The following NBEAL1 variants were observed in gnomAD, a reference collection of about 807,000 sequenced individuals.
NBEAL1 encodes the protein neurobeachin like 1.
Under a neutral mutation model 351.3 loss-of-function variants are expected in NBEAL1, and 273 were observed. The observed-to-expected ratio is 0.78, with a 90% confidence interval of 0.70 to 0.86. The LOEUF (loss-of-function observed/expected upper bound fraction) is 0.86, where lower values mean the gene tolerates loss of function less well. Among genes scored for constraint, NBEAL1 ranks in the 40% least tolerant of loss-of-function variants. NBEAL1 has a pLI of 0.00. For synonymous variants in NBEAL1, 1,050 were observed against 1,086.4 expected (o/e 0.97, Z 0.66); for missense variants, 2,961 against 3,201.3 (o/e 0.92, Z 1.81).
Position 203,107,438 on chromosome 2 carries a change from A to T in NBEAL1, c.1288A>T (p.Ile430Phe). Reference sequence around the variant, plus strand: ...CCCCTAGGAAGTATTTAAAGAAAGAATTGGTTATACACATATGCTTGAAGT... The same window carrying T: ...CCCCTAGGAAGTATTTAAAGAAAGATTTGGTTATACACATATGCTTGAAGT... Reference protein sequence around the residue: ...PAAKEVFKERIGYTHMLEVLK... With the variant: ...PAAKEVFKERFGYTHMLEVLK... The change falls in exon 13 of 56, where the codon ATT becomes TTT. Residue 430 changes from isoleucine to phenylalanine, a missense_variant. By Grantham distance (21) the Ile-to-Phe change is conservative. Coordinates refer to ENST00000683969, the MANE Select transcript of NBEAL1 (RefSeq NM_001378026.1). The T allele has an allele frequency of 6.5e-7, 1 of 1,544,810 alleles. No individual in the cohort carries two copies. The highest frequency in any genetic ancestry group is 8.8e-7 in the Non-Finnish European group (1 of 1,141,730).
At chr2:203,205,769 G>A (rs541239993) in intron 51 of NBEAL1, among the ~76,000 whole-genome samples, 84 of 152,044 alleles carry the variant, frequency 5.5e-4, no homozygotes, top group African/African-American at 1.9e-3. Context: ...AATAAATTTA[G>A]GAAGGGCTCC....
At chr2:203,021,230 C>T (rs1219114484) in intron 2 of NBEAL1, among the ~76,000 whole-genome samples, 2 of 152,032 alleles carry the variant, frequency 1.3e-5, no homozygotes, top group African/African-American at 4.8e-5. Flanking sequence ...GATCCACCCT[C>T]TTCAGCCTCC....
At chr2:203,060,722 ATATAAT>A (rs1456837939) in intron 6 of NBEAL1, among the ~76,000 whole-genome samples, 5 of 152,230 alleles carry the variant, frequency 3.3e-5, no homozygotes, top group Non-Finnish European at 5.9e-5. Context: ...GATAAGCAAA[ATATAAT>A]TATAATAACA....
At chr2:203,184,740 A>G (rs776849067) in intron 44 of NBEAL1, among the ~76,000 whole-genome samples, 6 of 151,936 alleles carry the variant, frequency 3.9e-5, no homozygotes, top group Non-Finnish European at 7.4e-5. Flanking sequence ...TGCATGAATA[A>G]GGAATTTAGA....
At chr2:203,101,542 A>T (rs1185078998) in intron 12 of NBEAL1, among the ~76,000 whole-genome samples, 1 of 152,132 alleles carries the variant, frequency 6.6e-6, no homozygotes, top group East Asian at 1.9e-4. Context: ...GAAGAATGCC[A>T]CTGGTAGTTT....
Position 203,125,373 on chromosome 2 carries a change from G to A in NBEAL1, c.2704G>A (p.Gly902Arg). Reference sequence around the variant, plus strand: ...TTAGGATATCATAAACTGCATAGGTGGGTTAAATGTACTCTTTCCTTTATT... The same window carrying A: ...TTAGGATATCATAAACTGCATAGGTAGGTTAAATGTACTCTTTCCTTTATT... Reference protein sequence around the residue: ...DIKDIINCIGGLNVLFPLLEQ... With the variant: ...DIKDIINCIGRLNVLFPLLEQ... The change falls in exon 20 of 56, where the codon GGG becomes AGG. Residue 902 changes from glycine to arginine, a missense_variant. By Grantham distance (125) the Gly-to-Arg change is moderately radical (BLOSUM62 -2). Transcript: ENST00000683969. The A allele has an allele frequency of 1.3e-6, 2 of 1,535,362 alleles. No individual in the cohort carries two copies. Among genetic ancestry groups the A allele is most frequent in the Non-Finnish European group, 1.8e-6 (2 of 1,141,556 alleles).
intron 51 of NBEAL1, among the ~76,000 whole-genome samples, chr2:203,208,073 A>G (rs2065661191): frequency 1.3e-5 from 2 of 152,260 alleles, no homozygotes; most frequent in South Asian, 4.1e-4. Context: ...CCTGAGTCCC[A>G]GAGTTCAAGA....
rs918677666 is a variant in NBEAL1, at chr2:203,221,639, G to T, written c.*4285G>T. On this transcript the variant is annotated 3_prime_UTR_variant, in exon 56 of 56. Transcript: ENST00000683969. Reference sequence around the variant, plus strand: ...AGCTGAAACTGTTTCTCCCCAATAAGTGAGCAATCTTAAACATTTTCATCA... The same window carrying T: ...AGCTGAAACTGTTTCTCCCCAATAATTGAGCAATCTTAAACATTTTCATCA... Among the ~76,000 whole-genome samples, 18 of 152,204 alleles carry T rather than the reference G, an allele frequency of 1.2e-4. No individual in the cohort carries two copies. Among genetic ancestry groups the T allele is most frequent in the African/African-American group, 3.4e-4 (14 of 41,544 alleles).
At chr2:203,210,761 C>T (rs937538872) in intron 53 of NBEAL1, among the ~76,000 whole-genome samples, 197 bp from the exon 54 acceptor site, 1 of 152,136 alleles carries the variant, frequency 6.6e-6, no homozygotes, top group Non-Finnish European at 1.5e-5. Flanking sequence ...TGAGATTTCT[C>T]GTTTAATATT....
intron 31 of NBEAL1, among the ~76,000 whole-genome samples, chr2:203,144,255 G>T (rs994667075): frequency 4.6e-5 from 7 of 151,488 alleles, no homozygotes; most frequent in Admixed American, 1.3e-4. Context: ...CTTTATACTG[G>T]TGGTTTCTCT....
chr2:203,109,417 T>C (rs1216702432), intron 14 of NBEAL1, among the ~76,000 whole-genome samples: 1 of 152,204 alleles, frequency 6.6e-6, no homozygotes, highest in Non-Finnish European at 1.5e-5. Context: ...CCATTGAATA[T>C]GCTATAAATA....
In NBEAL1 at chr2:203,217,508, C is replaced by A. The variant is rs977686973; in HGVS notation, c.*154C>A. The A allele has an allele frequency of 2.3e-6, 3 of 1,280,098 alleles. No homozygotes were observed. The highest frequency in any genetic ancestry group is 1.5e-5 in the African/African-American group (1 of 65,940). 79.3% of individuals were successfully genotyped at this position (1,280,098 alleles called of 1,614,324 possible). On this transcript the variant is annotated 3_prime_UTR_variant, in exon 56 of 56. Transcript: ENST00000683969. The stretch of plus-strand genomic sequence containing the variant: ...ATTTGCTGTGGTATATAAACTAATT[C>A]TTGGTCTATACTAAGATGTATTTGA...
At chr2:203,097,167 C>T (rs756587354) in intron 10 of NBEAL1, among the ~76,000 whole-genome samples, 2 of 152,106 alleles carry the variant, frequency 1.3e-5, no homozygotes, top group Non-Finnish European at 2.9e-5. Flanking sequence ...GAACTCCCAC[C>T]GAGTTTCTCC....
At chr2:203,124,462 A>AT (rs2062896505) in intron 19 of NBEAL1, among the ~76,000 whole-genome samples, 1 of 152,194 alleles carries the variant, frequency 6.6e-6, no homozygotes, top group Admixed American at 6.5e-5. Context: ...AAATAAGTAG[A>AT]TTTTAGCTGC....
Position 203,220,228 on chromosome 2 carries a change from A to G in NBEAL1, c.*2874A>G, listed in dbSNP as rs1272974672. Reference sequence around the variant, plus strand: ...TGGCCAATTGTGGTGGCTCACGCCTATAATCCCAGCTCTTTGGGAGGCCGA... The same window carrying G: ...TGGCCAATTGTGGTGGCTCACGCCTGTAATCCCAGCTCTTTGGGAGGCCGA... On this transcript the variant is annotated 3_prime_UTR_variant, in exon 56 of 56. Transcript: ENST00000683969. 6.6e-6 allele frequency among the ~76,000 whole-genome samples: 1 copy of G among 152,072 alleles called. No homozygotes were observed. The highest frequency in any genetic ancestry group is 1.5e-5 in the Non-Finnish European group (1 of 68,002).
chr2:203,021,975 C>T (rs2060779300), intron 2 of NBEAL1, among the ~76,000 whole-genome samples: 2 of 151,324 alleles, frequency 1.3e-5, no homozygotes, highest in South Asian at 2.1e-4. Flanking sequence ...CACTTGAATC[C>T]GGGAGGCAGA....
At position 203,113,331 on chromosome 2, in the gene NBEAL1, A is replaced by G. The variant is rs2106247705; in HGVS notation, c.2506+13A>G. ...TTATATTTAGCAGGTAAGCATGTAC[A>G]GTCATAATGCTTAAGCAAATTTAGA... On this transcript the variant is annotated intron_variant, in intron 17 of 55. Coordinates refer to ENST00000683969, the MANE Select transcript of NBEAL1 (RefSeq NM_001378026.1). The G allele has an allele frequency of 2.2e-6, 3 of 1,346,200 alleles. No individual in the cohort carries two copies. Among genetic ancestry groups the G allele is most frequent in the East Asian group, 2.8e-5 (1 of 35,740 alleles). The allele number at this position is 1,346,200 out of a possible 1,614,324, so 83.4% of individuals were successfully genotyped here. A position where few individuals can be genotyped will look rare whatever the true frequency, so the allele number is the denominator to read the frequency against.
At position 203,208,712 on chromosome 2, in the gene NBEAL1, G is replaced by A. The variant is rs182855092; in HGVS notation, c.7582G>A (p.Gly2528Ser). The part of the protein sequence containing the change: ...YGHTNEVLSV[G>S]ISTELDMAVS... ...ACACACCAACGAGGTACTGAGTGTCGGCATCAGCACTGAGCTAGACATGGC... is the reference window on the plus strand; with the variant it reads ...ACACACCAACGAGGTACTGAGTGTCAGCATCAGCACTGAGCTAGACATGGC... Residue 2528 changes from glycine (G) to serine (S), a missense_variant, in exon 52 of 56, where the codon GGC becomes AGC. Transcript: ENST00000683969. 8.0e-3 allele frequency: 12,821 copies of A among 1,611,988 alleles called. 75 individuals are homozygous for A. Among genetic ancestry groups the A allele is most frequent in the Non-Finnish European group, 9.7e-3 (11,441 of 1,179,428 alleles).
At chr2:203,130,524 A>G in intron 25 of NBEAL1, 48 bp downstream of exon 25, 3 of 1,281,916 alleles carry the variant, frequency 2.3e-6, no homozygotes, top group Non-Finnish European at 3.0e-6. Flanking sequence ...GTTTGTGGGT[A>G]TATGAATTTT....
Sources: allele counts gnomAD v4.1 joint callset (sites outside exome capture counted in the v4.1 genomes callset), GRCh38; gene constraint gnomAD v4.1.1; transcripts MANE v1.5; gene names NCBI Gene and HGNC (gene_info 2026-07-23, HGNC 2026-07-21).